RANBP3L: variants seen among roughly 807,000 people sequenced by gnomAD.
RANBP3L encodes ran-binding protein 3-like.
Under a neutral mutation model 67.2 loss-of-function variants are expected in RANBP3L, and 56 were observed. That is an observed-to-expected ratio of 0.83 (90% CI 0.67 to 1.04). The LOEUF is 1.04. Ranked by LOEUF, RANBP3L falls within the 50% of genes least tolerant of loss-of-function variation. RANBP3L has a pLI of 0.00. For missense variants in RANBP3L, 496 were observed against 535.5 expected, an observed-to-expected ratio of 0.93 and a Z score of 0.73; for synonymous variants, 164 against 181.4, an observed-to-expected ratio of 0.90 and a Z score of 0.77.
At chr5:36,279,676 C>T (rs1220016479) in intron 1 of RANBP3L, among the ~76,000 whole-genome samples, 2 of 152,116 alleles carry the variant, frequency 1.3e-5, no homozygotes, top group Non-Finnish European at 2.9e-5. Flanking sequence ...GATCTTTATA[C>T]CAGATGTATA....
chr5:36,253,626 T>C (rs1748752110), intron 12 of RANBP3L, 21 bp downstream of exon 12: 1 of 1,556,730 alleles, frequency 6.4e-7, no homozygotes, highest in Non-Finnish European at 8.9e-7. Flanking sequence ...TAATCTTCTA[T>C]CACTGAAATT....
chr5:36,269,878 T>C, intron 3 of RANBP3L, 73 bp downstream of exon 3: 1 of 1,232,390 alleles, frequency 8.1e-7, no homozygotes, highest in Non-Finnish European at 1.2e-6. Context: ...CTGTGCCACA[T>C]GCCAAAATAC....
intron 10 of RANBP3L, chr5:36,256,725 C>T (rs1266271370): frequency 3.8e-6 from 2 of 525,954 alleles, no homozygotes; most frequent in Admixed American, 7.2e-5. Context: ...TAGTTGTAAA[C>T]CTAACAACCC....
At chr5:36,268,259 A>T in intron 4 of RANBP3L, 1 of 1,532,692 alleles carries the variant, frequency 6.5e-7, no homozygotes, top group Non-Finnish European at 8.8e-7. Flanking sequence ...TTCTGAGACA[A>T]GGTTGACACT....
intron 1 of RANBP3L, among the ~76,000 whole-genome samples, chr5:36,292,828 G>C (rs1751899704): frequency 6.6e-6 from 1 of 152,212 alleles, no homozygotes; most frequent in Admixed American, 6.5e-5. Context: ...TTGAAGTCAG[G>C]TAGCGTGATG....
intron 1 of RANBP3L, among the ~76,000 whole-genome samples, chr5:36,276,804 T>C (rs1237300415): frequency 6.6e-6 from 1 of 152,168 alleles, no homozygotes; most frequent in Non-Finnish European, 1.5e-5. Flanking sequence ...ATGTCAAAGA[T>C]AGAGTAAGAT....
chr5:36,257,508 T>C lies in RANBP3L; in HGVS notation c.718A>G (p.Lys240Glu), dbSNP rs781467794. 1.9e-6 allele frequency: 3 copies of C among 1,600,556 alleles called. No homozygotes were observed. Among genetic ancestry groups the C allele is most frequent in the Non-Finnish European group, 2.6e-6 (3 of 1,171,336 alleles). The change falls in exon 9 of 14, where the codon AAG (lysine) becomes GAG (glutamate). Residue 240 changes from lysine (K) to glutamate (E), a missense_variant. Coordinates refer to ENST00000296604, the MANE Select transcript of RANBP3L (RefSeq NM_145000.5). ...GGAATGGATTTGAATGGTTTTTCCT[T>C]GGCATATGAATCATTTTCAAGTTGA... ...QPQLENDSYA[K>E]EKPFKSIPKF... is the part of the protein sequence containing the mutation.
chr5:36,273,473 C>A (rs1053724350), intron 1 of RANBP3L, among the ~76,000 whole-genome samples: 1 of 152,184 alleles, frequency 6.6e-6, no homozygotes, highest in African/African-American at 2.4e-5. Flanking sequence ...ACTAGGGACA[C>A]ATGGTCTAAT....
At position 36,253,696 on chromosome 5, in the gene RANBP3L, A is replaced by G. The variant is rs1463130586; in HGVS notation, c.1118T>C (p.Ile373Thr). The change falls in exon 12 of 14, where the codon ATA (isoleucine) becomes ACA (threonine). Residue 373 changes from isoleucine to threonine, a missense_variant. Transcript: ENST00000296604. ...ATAGTCTTCTAAATCAGTAGCTGTT[A>G]TTCGTACATTTTTGTGGTTTGCTCT... ...IQRANHKNVRITATDLEDYSI... is the reference protein window; with the variant it reads ...IQRANHKNVRTTATDLEDYSI... 1 of 1,611,622 alleles carries G rather than the reference A, an allele frequency of 6.2e-7. No individual in the cohort carries two copies. The highest frequency in any genetic ancestry group is 1.1e-5 in the South Asian group (1 of 91,014).
chr5:36,257,792 G>A (rs912179600), intron 8 of RANBP3L, among the ~76,000 whole-genome samples: 11 of 151,970 alleles, frequency 7.2e-5, no homozygotes, highest in Non-Finnish European at 7.4e-5. Context: ...ACTTCAGGTG[G>A]GATCTAGTCC....
At chr5:36,276,745 G>T in intron 1 of RANBP3L, among the ~76,000 whole-genome samples, 1 of 151,964 alleles carries the variant, frequency 6.6e-6, no homozygotes. Context: ...TTTTTTGCTG[G>T]ATCCTCTCAG....
At chr5:36,283,413 A>AG (rs1554018951) in intron 1 of RANBP3L, among the ~76,000 whole-genome samples, 1 of 151,320 alleles carries the variant, frequency 6.6e-6, no homozygotes, top group African/African-American at 2.4e-5. Flanking sequence ...AAAAAAAAAA[A>AG]CACCAAAATT....
chr5:36,253,323 C>T (rs1748727666), intron 12 of RANBP3L, among the ~76,000 whole-genome samples: 1 of 152,110 alleles, frequency 6.6e-6, no homozygotes, highest in Non-Finnish European at 1.5e-5. Context: ...CTGCTAACCT[C>T]TTCCTGGGAA....
chr5:36,276,806 G>A (rs191999873), intron 1 of RANBP3L, among the ~76,000 whole-genome samples: 113 of 152,296 alleles, frequency 7.4e-4, no homozygotes, highest in Non-Finnish European at 1.5e-3. Flanking sequence ...GTCAAAGATA[G>A]AGTAAGATGC....
intron 11 of RANBP3L, among the ~76,000 whole-genome samples, chr5:36,254,473 G>A (rs1748823883): frequency 6.6e-6 from 1 of 151,802 alleles, no homozygotes; most frequent in Non-Finnish European, 1.5e-5. Flanking sequence ...TTTCTTTTGG[G>A]GTTTGTTTTT....
intron 1 of RANBP3L, among the ~76,000 whole-genome samples, chr5:36,280,728 T>G (rs1281502159): frequency 6.6e-6 from 1 of 152,184 alleles, no homozygotes; most frequent in Non-Finnish European, 1.5e-5. Context: ...GGACTTTCTT[T>G]GTTTTTTAAT....
intron 8 of RANBP3L, among the ~76,000 whole-genome samples, chr5:36,257,957 A>G (rs1749110375): frequency 1.3e-5 from 2 of 152,206 alleles, no homozygotes; most frequent in East Asian, 1.9e-4. Flanking sequence ...TCAATTTAAT[A>G]TTACTTTTAA....
At chr5:36,277,816 T>G (rs985408937) in intron 1 of RANBP3L, among the ~76,000 whole-genome samples, 1 of 152,052 alleles carries the variant, frequency 6.6e-6, no homozygotes, top group East Asian at 1.9e-4. Flanking sequence ...ACTGGAAAAT[T>G]TGTAAAGAAA....
rs116410374 is a variant in RANBP3L, at chr5:36,297,097, A to T, written c.91+4229T>A. Among the ~76,000 whole-genome samples, 1,188 of 152,292 alleles carry T rather than the reference A, an allele frequency of 7.8e-3. 16 individuals are homozygous for T. Among genetic ancestry groups the T allele is most frequent in the African/African-American group, 0.027 (1,106 of 41,560 alleles). ...CAAAACTTAATTATTAATAGCCTAGAGGTGACCAGAATCCTTATCAATAAC... is the reference window on the plus strand; with the variant it reads ...CAAAACTTAATTATTAATAGCCTAGTGGTGACCAGAATCCTTATCAATAAC... On this transcript the variant is annotated intron_variant, in intron 1 of 13. Transcript: ENST00000296604.
Sources: allele counts gnomAD v4.1 joint callset (sites outside exome capture counted in the v4.1 genomes callset), GRCh38; gene constraint gnomAD v4.1.1; transcripts MANE v1.5; gene names NCBI Gene and HGNC (gene_info 2026-07-23, HGNC 2026-07-21).